Variants in ATRNL1 observed in about 807,000 individuals in gnomAD.
The protein encoded by ATRNL1 is attractin-like protein 1.
In ATRNL1, 95 loss-of-function variants were observed where a neutral mutation model predicts 182.7. The observed-to-expected ratio is 0.52, with a 90% CI of 0.44 to 0.62. The LOEUF (loss-of-function observed/expected upper bound fraction) is 0.62, where lower values mean the gene tolerates loss of function less well. ATRNL1 is among the 20% of genes least tolerant of loss of function. The pLI is 0.00. For missense variants in ATRNL1, 1,471 were observed against 1,679.5 expected (o/e 0.88, Z 2.17); for synonymous variants, 576 against 568.3 (o/e 1.01, Z -0.19).
intron 28 of ATRNL1, among the ~76,000 whole-genome samples, chr10:115,919,234 T>C (rs1952971930): frequency 6.6e-6 from 1 of 152,196 alleles, no homozygotes; most frequent in Non-Finnish European, 1.5e-5. Context: ...GGTGTTCCAA[T>C]TCTACTTGGG....
chr10:115,438,356 G>A (rs1299338362), intron 21 of ATRNL1, among the ~76,000 whole-genome samples: 1 of 151,744 alleles, frequency 6.6e-6, no homozygotes, highest in Non-Finnish European at 1.5e-5. Context: ...TGCAGATTTT[G>A]TTGCAAGAGT....
At chr10:115,268,794 G>C (rs1851715053) in intron 13 of ATRNL1, among the ~76,000 whole-genome samples, 1 of 152,184 alleles carries the variant, frequency 6.6e-6, no homozygotes, top group Non-Finnish European at 1.5e-5. Flanking sequence ...ATTACCATTG[G>C]ATTCCTGTCA....
chr10:115,797,019 A>G (rs782179602), intron 27 of ATRNL1, among the ~76,000 whole-genome samples: 3 of 152,222 alleles, frequency 2.0e-5, no homozygotes, highest in Non-Finnish European at 4.4e-5. Context: ...AAGAAATGTA[A>G]TAAACAAAAA....
chr10:115,415,927 G>A (rs1281329200), intron 20 of ATRNL1, among the ~76,000 whole-genome samples: 1 of 151,904 alleles, frequency 6.6e-6, no homozygotes, highest in Non-Finnish European at 1.5e-5. Flanking sequence ...TTATGTGCTA[G>A]TACCATACTA....
At chr10:115,191,025 C>T (rs781981748) in intron 8 of ATRNL1, among the ~76,000 whole-genome samples, 7 of 151,946 alleles carry the variant, frequency 4.6e-5, no homozygotes, top group African/African-American at 4.8e-5. Context: ...CAGTTTCATC[C>T]GTGTTGTTGC....
At position 115,426,280 on chromosome 10, in the gene ATRNL1, T is replaced by A; in HGVS notation, c.3300T>A (p.Asn1100Lys). Residue 1100 changes from asparagine (N) to lysine (K), a missense_variant, in exon 21 of 29, where the codon AAT becomes AAA. By Grantham distance (94) the Asn-to-Lys change is moderately conservative. This residue lies in a region of ATRNL1 where 437 missense variants were observed against 506.0 expected (regional missense o/e 0.86). Transcript: ENST00000355044. ...ACTCTGAAAATCGCTATGTTGGTAA[T>A]CCACTTAGAGGAACATGTTATTGTA... ...LCDSENRYVG[N>K]PLRGTCYYSL... 6.2e-7 allele frequency: 1 copy of A among 1,612,052 alleles called. No homozygotes were observed. Among genetic ancestry groups the A allele is most frequent in the Non-Finnish European group, 8.5e-7 (1 of 1,178,586 alleles).
chr10:115,311,985 T>C (rs185140737), intron 17 of ATRNL1, among the ~76,000 whole-genome samples: 1 of 152,050 alleles, frequency 6.6e-6, no homozygotes, highest in Non-Finnish European at 1.5e-5. Flanking sequence ...TTACCTTGAG[T>C]CTATAAGAAT....
At chr10:115,748,631 T>G (rs1948360727) in intron 27 of ATRNL1, among the ~76,000 whole-genome samples, 1 of 152,002 alleles carries the variant, frequency 6.6e-6, no homozygotes, top group South Asian at 2.1e-4. Flanking sequence ...AATACATTTC[T>G]CATAAAACAT....
rs1022210380 is a variant in ATRNL1, at chr10:115,555,668, A to G, written c.3795+6132A>G. On this transcript the variant is annotated intron_variant, in intron 26 of 28. Coordinates refer to ENST00000355044, the MANE Select transcript of ATRNL1 (RefSeq NM_207303.4). The stretch of plus-strand genomic sequence containing the variant: ...CTCAAAAATGTTTACAGATCTTAAA[A>G]TCTATATTATTAACTGGAAAATATA... Among the ~76,000 whole-genome samples the G allele has an allele frequency of 3.9e-5, 6 of 152,034 alleles. No individual in the cohort carries two copies. The South Asian group carries it at 1.0e-3, about 26-fold the overall frequency.
At chr10:115,101,362 T>A (rs1554864547) in intron 1 of ATRNL1, among the ~76,000 whole-genome samples, 1 of 152,086 alleles carries the variant, frequency 6.6e-6, no homozygotes, top group Non-Finnish European at 1.5e-5. Flanking sequence ...ATGCCTTTTA[T>A]CACACTGAGA....
intron 15 of ATRNL1, among the ~76,000 whole-genome samples, chr10:115,287,258 T>C (rs1241664664): frequency 6.6e-6 from 1 of 152,064 alleles, no homozygotes; most frequent in Non-Finnish European, 1.5e-5. Context: ...GGCATAATAA[T>C]CATGGCTACT....
chr10:115,584,757 G>T (rs1313815711), intron 26 of ATRNL1, among the ~76,000 whole-genome samples: 2 of 151,896 alleles, frequency 1.3e-5, no homozygotes, highest in Non-Finnish European at 2.9e-5. Flanking sequence ...CTTCAGTTTT[G>T]CTCTGACTTT....
At chr10:115,559,444 G>GCA (rs1554998465) in intron 26 of ATRNL1, among the ~76,000 whole-genome samples, 1 of 62,790 alleles carries the variant, frequency 1.6e-5, no homozygotes, top group African/African-American at 5.1e-5. Flanking sequence ...GTGTGTGTGT[G>GCA]CGCGCGCGCA....
chr10:115,587,630 G>T (rs545494693), intron 26 of ATRNL1, among the ~76,000 whole-genome samples: 1 of 151,688 alleles, frequency 6.6e-6, no homozygotes, highest in Non-Finnish European at 1.5e-5. Flanking sequence ...CGCATGGTGC[G>T]TGCACCCACT....
intron 19 of ATRNL1, among the ~76,000 whole-genome samples, chr10:115,359,407 G>A (rs1036524746): frequency 1.3e-5 from 2 of 151,484 alleles, no homozygotes; most frequent in East Asian, 1.9e-4. Flanking sequence ...CCTAGCAAAC[G>A]AGTTTTCTAG....
chr10:115,723,986 G>T lies in ATRNL1; in HGVS notation c.3796-3262G>T, dbSNP rs189788282. On this transcript the variant is annotated intron_variant, in intron 26 of 28. Coordinates refer to ENST00000355044, the MANE Select transcript of ATRNL1 (RefSeq NM_207303.4). ...AATTTTCTTCACAACAATGTTTATGGCAGTATGATTATAATCTATTGTATT... is the reference window on the plus strand; with the variant it reads ...AATTTTCTTCACAACAATGTTTATGTCAGTATGATTATAATCTATTGTATT... 1.8e-3 allele frequency among the ~76,000 whole-genome samples: 276 copies of T among 152,132 alleles called. 2 individuals are homozygous for T. Among genetic ancestry groups the T allele is most frequent in the African/African-American group, 6.3e-3 (263 of 41,492 alleles).
At chr10:115,388,375 T>A (rs996419706) in intron 19 of ATRNL1, among the ~76,000 whole-genome samples, 1 of 152,196 alleles carries the variant, frequency 6.6e-6, no homozygotes. Flanking sequence ...GCTTTGGTAC[T>A]AAAAAGGTCT....
At chr10:115,651,672 C>T (rs1397986986) in intron 26 of ATRNL1, among the ~76,000 whole-genome samples, 1 of 152,066 alleles carries the variant, frequency 6.6e-6, no homozygotes, top group Non-Finnish European at 1.5e-5. Flanking sequence ...ATACAGCTTA[C>T]GAGAAATTAG....
intron 5 of ATRNL1, among the ~76,000 whole-genome samples, chr10:115,146,622 C>T (rs531415284): frequency 6.6e-6 from 1 of 152,154 alleles, no homozygotes; most frequent in African/African-American, 2.4e-5. Flanking sequence ...CCCCCACTAC[C>T]CACACCCTGT....
Sources: gnomAD v4.1 joint callset for allele counts (sites outside exome capture counted in the v4.1 genomes callset) on GRCh38, gnomAD v4.1.1 for gene constraint, gnomAD v4.1.1 regional missense constraint, MANE v1.5 for transcripts, NCBI Gene and HGNC (gene_info 2026-07-23, HGNC 2026-07-21) for gene names.